The following MMP16 variants were observed in gnomAD, a reference collection of about 807,000 sequenced individuals.
The protein encoded by MMP16 is matrix metalloproteinase-16.
Under a neutral mutation model 67.8 loss-of-function variants are expected in MMP16, and 12 were observed. The ratio of observed to expected loss-of-function variants is 0.18; its 90% CI spans 0.11 to 0.29. MMP16 has a LOEUF of 0.29. Among genes scored for constraint, MMP16 ranks in the 10% least tolerant of loss-of-function variants. The probability of loss-of-function intolerance (pLI) is 1.00; values close to 1 mark genes in which losing one functional copy is unlikely to be tolerated. For synonymous variants in MMP16, 249 were observed against 255.9 expected (o/e 0.97, Z 0.26); for missense variants, 475 against 765.7 (o/e 0.62, Z 4.48).
chr8:88,233,538 T>C (rs1197261925), intron 1 of MMP16, among the ~76,000 whole-genome samples: 1 of 152,208 alleles, frequency 6.6e-6, no homozygotes, highest in East Asian at 1.9e-4. Context: ...GCTGCCTCTT[T>C]CATGATGCAA....
At chr8:88,114,018 T>A (rs1360686427) in intron 6 of MMP16, among the ~76,000 whole-genome samples, 2 of 151,964 alleles carry the variant, frequency 1.3e-5, no homozygotes, top group African/African-American at 2.4e-5. Flanking sequence ...ATCAAGTAGA[T>A]CTGTGTTCAG....
chr8:88,201,465 T>A (rs954440088), intron 1 of MMP16, among the ~76,000 whole-genome samples: 4 of 152,104 alleles, frequency 2.6e-5, no homozygotes, highest in African/African-American at 4.8e-5. Context: ...AGTGCAAAGG[T>A]GATAAATTTA....
At chr8:88,059,294 G>A (rs1808367702) in intron 7 of MMP16, among the ~76,000 whole-genome samples, 1 of 152,134 alleles carries the variant, frequency 6.6e-6, no homozygotes, top group East Asian at 1.9e-4. Flanking sequence ...AAGGAAGAGG[G>A]AAGAGGAGGC....
chr8:88,287,989 A>T (rs1255097733), intron 1 of MMP16, among the ~76,000 whole-genome samples: 1 of 152,214 alleles, frequency 6.6e-6, no homozygotes, highest in Non-Finnish European at 1.5e-5. Context: ...TTGAGTGAAT[A>T]AAGATACTCA....
In MMP16 at chr8:88,036,475, T is replaced by C. The variant is rs575178450; in HGVS notation, c.*4986A>G. 2 of 152,010 alleles carry C rather than the reference T, an allele frequency of 1.3e-5. No individual in the cohort carries two copies. The highest frequency in any genetic ancestry group is 2.9e-5 in the Non-Finnish European group (2 of 67,830). The allele number at this position is 152,010 out of a possible 1,614,324, so 9.4% of individuals were successfully genotyped here. ...ATATTTGTTGCGTTGCTATTCCTGGTTGCCGCTTTATTTATTACATAAAAT... is the reference window on the plus strand; with the variant it reads ...ATATTTGTTGCGTTGCTATTCCTGGCTGCCGCTTTATTTATTACATAAAAT... On this transcript the variant is annotated 3_prime_UTR_variant, in exon 10 of 10. Coordinates refer to ENST00000286614, the MANE Select transcript of MMP16 (RefSeq NM_005941.5).
chr8:88,100,120 T>G (rs1406712362), intron 6 of MMP16, among the ~76,000 whole-genome samples: 1 of 152,000 alleles, frequency 6.6e-6, no homozygotes, highest in Non-Finnish European at 1.5e-5. Context: ...ATTTTGGCTT[T>G]TGTTGCCATT....
At chr8:88,251,488 C>T (rs1265496673) in intron 1 of MMP16, among the ~76,000 whole-genome samples, 1 of 142,042 alleles carries the variant, frequency 7.0e-6, no homozygotes, top group Non-Finnish European at 1.5e-5. Context: ...ATACAAAAAT[C>T]AATTCAAGAT....
chr8:88,095,089 G>A (rs989819070), intron 6 of MMP16, among the ~76,000 whole-genome samples: 3 of 151,742 alleles, frequency 2.0e-5, no homozygotes, highest in Admixed American at 6.6e-5. Context: ...ACAAGGCACC[G>A]CTCTACAGAT....
At chr8:88,163,007 T>C (rs1808655102) in intron 4 of MMP16, among the ~76,000 whole-genome samples, 1 of 152,066 alleles carries the variant, frequency 6.6e-6, no homozygotes, top group Non-Finnish European at 1.5e-5. Flanking sequence ...ATATCAAAGT[T>C]CAAATTTTGT....
intron 1 of MMP16, among the ~76,000 whole-genome samples, chr8:88,207,428 A>G (rs1326948651): frequency 6.6e-6 from 1 of 152,166 alleles, no homozygotes; most frequent in Non-Finnish European, 1.5e-5. Context: ...ACTTAATTGC[A>G]TATCTCAGTA....
At chr8:88,295,851 T>C (rs987216759) in intron 1 of MMP16, among the ~76,000 whole-genome samples, 2 of 152,288 alleles carry the variant, frequency 1.3e-5, no homozygotes, top group South Asian at 4.1e-4. Context: ...GACATATTTT[T>C]ATGTGCAGGA....
chr8:88,178,082 A>G (rs1808922289), intron 3 of MMP16, among the ~76,000 whole-genome samples: 1 of 152,308 alleles, frequency 6.6e-6, no homozygotes, highest in African/African-American at 2.4e-5. Flanking sequence ...CTAACTAGAT[A>G]AACATAAAAG....
At chr8:88,216,067 T>C (rs116029496) in intron 1 of MMP16, among the ~76,000 whole-genome samples, 7 of 152,294 alleles carry the variant, frequency 4.6e-5, no homozygotes, top group African/African-American at 1.7e-4. Flanking sequence ...CAAAAGACAA[T>C]TTTAGTCTAG....
At chr8:88,263,385 C>T (rs1432051109) in intron 1 of MMP16, among the ~76,000 whole-genome samples, 2 of 152,126 alleles carry the variant, frequency 1.3e-5, no homozygotes, top group Non-Finnish European at 2.9e-5. Flanking sequence ...GCTTAAATTA[C>T]AGGAAAGCCA....
intron 1 of MMP16, among the ~76,000 whole-genome samples, chr8:88,326,451 T>C (rs982971006): frequency 1.3e-5 from 2 of 152,082 alleles, no homozygotes; most frequent in African/African-American, 4.8e-5. Context: ...TTATTTTCAA[T>C]TGGCGGGGGA....
chr8:88,099,346 T>C (rs1178938221), intron 6 of MMP16, among the ~76,000 whole-genome samples: 4 of 151,818 alleles, frequency 2.6e-5, no homozygotes, highest in Non-Finnish European at 5.9e-5. Context: ...AACCTTTTGG[T>C]TTTTAAGACA....
intron 1 of MMP16, among the ~76,000 whole-genome samples, chr8:88,224,749 T>C (rs1006761326): frequency 1.3e-5 from 2 of 151,974 alleles, no homozygotes; most frequent in Non-Finnish European, 2.9e-5. Flanking sequence ...GATTTCATAG[T>C]CAAATATAGG....
chr8:88,137,121 G>C (rs769398972), intron 4 of MMP16, among the ~76,000 whole-genome samples: 1 of 151,842 alleles, frequency 6.6e-6, no homozygotes, highest in Non-Finnish European at 1.5e-5. Flanking sequence ...AGATTTTCCA[G>C]ATGAGTAATG....
At chr8:88,080,391 G>A (rs138526539) in intron 6 of MMP16, among the ~76,000 whole-genome samples, 46 of 152,238 alleles carry the variant, frequency 3.0e-4, no homozygotes, top group African/African-American at 8.9e-4. Context: ...ATAAATACAC[G>A]TTTGCTCACA....
Sources: gnomAD v4.1 joint callset for allele counts (sites outside exome capture counted in the v4.1 genomes callset) on GRCh38, gnomAD v4.1.1 for gene constraint, MANE v1.5 for transcripts, NCBI Gene and HGNC (gene_info 2026-07-23, HGNC 2026-07-21) for gene names.